PARD3B: variants seen among roughly 807,000 people sequenced by gnomAD.
PARD3B encodes the protein par-3 family cell polarity regulator beta, also known as partitioning defective 3 homolog B.
A neutral mutation model predicts 130.2 loss-of-function variants in PARD3B; 103 were observed. The observed-to-expected ratio is 0.79, with a 90% confidence interval of 0.67 to 0.93. The LOEUF (loss-of-function observed/expected upper bound fraction) is 0.93. PARD3B is among the 40% of genes least tolerant of loss of function. The probability of loss-of-function intolerance (pLI) is 0.00; values close to 1 mark genes in which losing one functional copy is unlikely to be tolerated. For missense variants in PARD3B, 1,609 were observed against 1,499.2 expected (o/e 1.07, Z -1.21); for synonymous variants, 583 against 553.2 (o/e 1.05, Z -0.76).
At chr2:204,839,708 C>T (rs1170195143) in intron 2 of PARD3B, among the ~76,000 whole-genome samples, 1 of 152,112 alleles carries the variant, frequency 6.6e-6, no homozygotes, top group African/African-American at 2.4e-5. Context: ...AACAAACAAA[C>T]TGAGTATAAT....
intron 2 of PARD3B, among the ~76,000 whole-genome samples, chr2:204,840,945 A>G (rs576922518): frequency 7.2e-5 from 11 of 152,290 alleles, no homozygotes; most frequent in Non-Finnish European, 1.2e-4. Context: ...TGCTATTACC[A>G]GGGTCAGGCA....
At chr2:205,254,972 G>T (rs1003450526) in intron 16 of PARD3B, among the ~76,000 whole-genome samples, 2 of 152,050 alleles carry the variant, frequency 1.3e-5, no homozygotes, top group Admixed American at 6.5e-5. Flanking sequence ...CCGAAGTTCA[G>T]TATTATTAAC....
chr2:205,499,634 G>A (rs571229133), intron 20 of PARD3B, among the ~76,000 whole-genome samples: 2 of 152,142 alleles, frequency 1.3e-5, no homozygotes, highest in South Asian at 2.1e-4. Flanking sequence ...GCTCTAAAAG[G>A]TAAAGACTCT....
rs2048785254 is a variant in PARD3B, at chr2:205,470,432, G to T, written c.3045-29464G>T. Among the ~76,000 whole-genome samples, 1 of 152,092 alleles carries T rather than the reference G, an allele frequency of 6.6e-6. No individual in the cohort carries two copies. Among genetic ancestry groups the T allele is most frequent in the African/African-American group, 2.4e-5 (1 of 41,412 alleles). ...CACAGTGCCCATGTATCCACTGTCA[G>T]ATGACTCCCTCTGCTCACCCCTGCA... On this transcript the variant is annotated intron_variant, in intron 20 of 22. Transcript: ENST00000406610. This position sits in a 1 kb window ranked among gnomAD's most constrained non-coding sequence, Gnocchi z 4.8.
At chr2:204,757,486 A>T (rs1223096800) in intron 2 of PARD3B, among the ~76,000 whole-genome samples, 1 of 152,000 alleles carries the variant, frequency 6.6e-6, no homozygotes, top group Non-Finnish European at 1.5e-5. Context: ...TGTAGTTTTG[A>T]TGTGCGTATC....
chr2:205,132,471 A>G (rs183154168), intron 10 of PARD3B, among the ~76,000 whole-genome samples: 1 of 151,346 alleles, frequency 6.6e-6, no homozygotes, highest in Admixed American at 6.6e-5. Flanking sequence ...AAGGGAGGAC[A>G]CTCCTCTCCT....
At chr2:204,755,145 GCA>G (rs2125396333) in intron 2 of PARD3B, among the ~76,000 whole-genome samples, 1 of 152,134 alleles carries the variant, frequency 6.6e-6, no homozygotes, top group African/African-American at 2.4e-5. Context: ...TCCAGTTCAG[GCA>G]CTAAATTTAA....
chr2:205,459,438 C>T (rs950081917), intron 20 of PARD3B, among the ~76,000 whole-genome samples: 7 of 152,084 alleles, frequency 4.6e-5, no homozygotes, highest in African/African-American at 1.7e-4. Context: ...ATATGGTTAA[C>T]AGACTTCGTT....
chr2:204,613,570 T>C lies in PARD3B; in HGVS notation c.120+67451T>C, dbSNP rs145925363. ...TTGCGTTTTGGACCTTCTGGAGCAC[T>C]CTTCTAATTTTCTTTTTTTTGGCCA... On this transcript the variant is annotated intron_variant, in intron 1 of 22. Transcript: ENST00000406610. Among the ~76,000 whole-genome samples, 18 of 152,268 alleles carry C rather than the reference T, an allele frequency of 1.2e-4. No homozygotes were observed. The East Asian group carries it at 3.5e-3, about 29-fold the overall frequency.
chr2:204,785,312 T>A (rs2041971834), intron 2 of PARD3B, among the ~76,000 whole-genome samples: 1 of 152,174 alleles, frequency 6.6e-6, no homozygotes, highest in South Asian at 2.1e-4. Context: ...CCCCGTGTAA[T>A]CTGGCACCTC....
chr2:204,793,599 C>T (rs1206765248), intron 2 of PARD3B, among the ~76,000 whole-genome samples: 1 of 152,066 alleles, frequency 6.6e-6, no homozygotes. Flanking sequence ...CTTCTGCCTC[C>T]CAGGTTCAAG....
At chr2:205,040,266 C>T (rs1245217232) in intron 3 of PARD3B, among the ~76,000 whole-genome samples, 2 of 152,138 alleles carry the variant, frequency 1.3e-5, no homozygotes, top group East Asian at 3.9e-4. Flanking sequence ...CCGGCTACTT[C>T]AGTACTTTTA....
chr2:205,391,860 C>CT lies in PARD3B; in HGVS notation c.2631-9146dup, dbSNP rs374779705. On this transcript the variant is annotated intron_variant, in intron 18 of 22. Coordinates refer to ENST00000406610, the MANE Select transcript of PARD3B (RefSeq NM_001302769.2). ...TCTGGCCTTTTTTTCATAAGTTTCC[C>CT]TTTTTTTCCCCCTAACAGAGTGCTG... Among the ~76,000 whole-genome samples the CT allele has an allele frequency of 1.2e-4, 19 of 152,050 alleles. No homozygotes were observed. The East Asian group carries it at 3.1e-3, about 25-fold the overall frequency.
intron 3 of PARD3B, among the ~76,000 whole-genome samples, chr2:204,988,906 A>G (rs1347844838): frequency 1.3e-5 from 2 of 152,190 alleles, no homozygotes; most frequent in Non-Finnish European, 2.9e-5. Flanking sequence ...AATGAAAAGA[A>G]TGGACTGCTA....
chr2:204,579,420 G>A (rs1486400697), intron 1 of PARD3B, among the ~76,000 whole-genome samples: 1 of 152,080 alleles, frequency 6.6e-6, no homozygotes, highest in African/African-American at 2.4e-5. Flanking sequence ...TGTCAGCAGA[G>A]CCGTGCTGTG....
intron 4 of PARD3B, among the ~76,000 whole-genome samples, chr2:205,081,174 T>C (rs1478541881): frequency 6.6e-6 from 1 of 152,066 alleles, no homozygotes. Context: ...TTATATTCTG[T>C]TAATATATCT....
rs1246495377 is a variant in PARD3B, at chr2:205,321,064, A to G, written c.2630+19363A>G. On this transcript the variant is annotated intron_variant, in intron 18 of 22. Transcript: ENST00000406610. The surrounding 1 kb of genome is among the most constrained non-coding windows in gnomAD (Gnocchi z 4.2). ...ACCTTCTCTGAAAATCTTGCTTTCT[A>G]GCCTAACAATCTGCTTAGGAAGTAG... Among the ~76,000 whole-genome samples the G allele has an allele frequency of 6.6e-6, 1 of 152,202 alleles. No individual in the cohort carries two copies. Among genetic ancestry groups the G allele is most frequent in the African/African-American group, 2.4e-5 (1 of 41,448 alleles).
intron 16 of PARD3B, among the ~76,000 whole-genome samples, chr2:205,261,977 A>C (rs1372794022): frequency 6.6e-6 from 1 of 152,170 alleles, no homozygotes; most frequent in Non-Finnish European, 1.5e-5. Flanking sequence ...TACTAAAACA[A>C]ATCAAAACCA....
intron 10 of PARD3B, among the ~76,000 whole-genome samples, chr2:205,156,285 A>G (rs1420651508): frequency 1.3e-5 from 2 of 148,978 alleles, no homozygotes; most frequent in African/African-American, 2.5e-5. Flanking sequence ...GGGGGGAGGA[A>G]TAGCATTAGG....
Sources: gnomAD v4.1 joint callset for allele counts (sites outside exome capture counted in the v4.1 genomes callset) on GRCh38, gnomAD v4.1.1 for gene constraint, Gnocchi (gnomAD v3.1) non-coding constraint, MANE v1.5 for transcripts, NCBI Gene and HGNC (gene_info 2026-07-23, HGNC 2026-07-21) for gene names.